The following ZNF23 variants were observed in gnomAD, a reference collection of about 807,000 sequenced individuals.
ZNF23 encodes zinc finger protein 23.
A neutral mutation model predicts 56.2 loss-of-function variants in ZNF23; 48 were observed. That is an observed-to-expected ratio of 0.85 (90% CI 0.68 to 1.09). ZNF23 has a LOEUF of 1.09. ZNF23 is among the 50% of genes least tolerant of loss of function. ZNF23 has a pLI of 0.00. For synonymous variants in ZNF23, 266 were observed against 283.3 expected, an observed-to-expected ratio of 0.94 and a Z score of 0.61; for missense variants, 805 against 811.4, an observed-to-expected ratio of 0.99 and a Z score of 0.10.
intron 2 of ZNF23, among the ~76,000 whole-genome samples, chr16:71,456,424 G>A (rs185777743): frequency 4.1e-4 from 62 of 152,128 alleles, no homozygotes; most frequent in East Asian, 1.9e-4. Flanking sequence ...AATCCTCTGC[G>A]ACTGTGCTCC....
At chr16:71,452,576 T>C (rs2043093902) in intron 4 of ZNF23, 1 of 152,204 alleles carries the variant, frequency 6.6e-6, no homozygotes, top group East Asian at 1.9e-4. Flanking sequence ...ACATTCACAT[T>C]TAAGAAGCAA....
chr16:71,448,113 G>C lies in ZNF23; in HGVS notation c.2041C>G (p.His681Asp), dbSNP rs1314538355. The C allele has an allele frequency of 6.2e-7, 1 of 1,604,616 alleles. No homozygotes were observed. Among genetic ancestry groups the C allele is most frequent in the Non-Finnish European group, 8.5e-7 (1 of 1,176,208 alleles). ...SFQLSQHQSV[H>D]SEGKS ...CATTATTAGGATTTTCCTTCACTAT[G>C]GACACTCTGATGCTGACTGAGCTGG... The change falls in exon 5 of 5, where the codon CAT (histidine) becomes GAT (aspartate). Residue 681 changes from histidine (H) to aspartate (D), a missense_variant. Transcript: ENST00000647773.
At chr16:71,458,074 C>A (rs1428074854) in intron 1 of ZNF23, among the ~76,000 whole-genome samples, 2 of 152,138 alleles carry the variant, frequency 1.3e-5, no homozygotes, top group Admixed American at 6.5e-5. Flanking sequence ...AAGGACAGCA[C>A]AGGCTGTCCT....
chr16:71,460,025 G>A (rs1032793013), intron 1 of ZNF23, among the ~76,000 whole-genome samples: 3 of 152,164 alleles, frequency 2.0e-5, no homozygotes, highest in African/African-American at 4.8e-5. Context: ...CTTGAAGACC[G>A]GGCAGTGAGT....
chr16:71,451,969 A>G (rs1377194335), intron 4 of ZNF23: 1 of 152,262 alleles, frequency 6.6e-6, no homozygotes, highest in East Asian at 1.9e-4. Context: ...TTTTAAAAAG[A>G]AAGTCAACAC....
intron 1 of ZNF23, among the ~76,000 whole-genome samples, chr16:71,457,562 CAA>C (rs879401364): frequency 1.4e-5 from 2 of 137,982 alleles, no homozygotes; most frequent in Non-Finnish European, 1.6e-5. Flanking sequence ...GACTCCGTCT[CAA>C]AAAAAAAAAA....
At chr16:71,453,651 G>T in intron 3 of ZNF23, 2 of 468,808 alleles carry the variant, frequency 4.3e-6, no homozygotes, top group East Asian at 7.2e-5. Flanking sequence ...CAAGCAGGGA[G>T]ATTCTGCCCA....
chr16:71,450,867 G>A, intron 4 of ZNF23: 2 of 205,268 alleles, frequency 9.7e-6, no homozygotes, highest in South Asian at 5.4e-5. Flanking sequence ...AAAAAAAAAT[G>A]GAAAATGCTG....
chr16:71,453,961 C>G (rs1221622374), intron 3 of ZNF23, 81 bp downstream of exon 3: 15 of 1,483,002 alleles, frequency 1.0e-5, no homozygotes, highest in African/African-American at 1.4e-5. Context: ...TACCAGAGAT[C>G]CCCTCAGTAA....
At chr16:71,452,061 C>G (rs1224839653) in intron 4 of ZNF23, 1 of 152,314 alleles carries the variant, frequency 6.6e-6, no homozygotes. Flanking sequence ...TTAACCCACA[C>G]ACACTGACTA....
Position 71,449,680 on chromosome 16 carries a change from G to T in ZNF23, c.474C>A (p.Ser158Arg), listed in dbSNP as rs751161645. The change falls in exon 5 of 5, where the codon AGC becomes AGA. Residue 158 changes from serine to arginine, a missense_variant. Coordinates refer to ENST00000647773, the MANE Select transcript of ZNF23 (RefSeq NM_001381984.1). Reference protein sequence around the residue: ...TIDGTVKDETSPVEECFFSQS... With the variant: ...TIDGTVKDETRPVEECFFSQS... ...GACTAAAAAAACACTCCTCCACGGGGCTTGTCTCATCTTTCACTGTTCCAT... is the reference window on the plus strand; with the variant it reads ...GACTAAAAAAACACTCCTCCACGGGTCTTGTCTCATCTTTCACTGTTCCAT... The T allele has an allele frequency of 9.4e-5, 151 of 1,613,560 alleles. 1 individual carries two copies. In the Admixed American group the frequency reaches 1.0e-3, roughly 11 times the overall value.
At chr16:71,453,994 G>A (rs777296799) in intron 3 of ZNF23, 48 bp downstream of exon 3, 5 of 1,607,638 alleles carry the variant, frequency 3.1e-6, no homozygotes, top group Non-Finnish European at 4.3e-6. Flanking sequence ...AAGCAAGCCA[G>A]GAACCCCAAT....
chr16:71,460,970 C>A (rs1440741856), intron 1 of ZNF23, among the ~76,000 whole-genome samples: 1 of 152,026 alleles, frequency 6.6e-6, no homozygotes, highest in Non-Finnish European at 1.5e-5. Flanking sequence ...AAGCTACACA[C>A]AGAATGAATT....
rs1596991724 is a variant in ZNF23, at chr16:71,447,897, C to G, written c.*196G>C. On this transcript the variant is annotated 3_prime_UTR_variant, in exon 5 of 5. Transcript: ENST00000647773. ...TTATATTTTCTAATTCCTGTTGGTACAAAACAAAGCTATTTTTGGATGTTT... is the reference window on the plus strand; with the variant it reads ...TTATATTTTCTAATTCCTGTTGGTAGAAAACAAAGCTATTTTTGGATGTTT... The G allele has an allele frequency of 4.5e-6, 2 of 441,100 alleles. No individual in the cohort carries two copies. Among genetic ancestry groups the G allele is most frequent in the East Asian group, 6.9e-5 (2 of 29,146 alleles). The allele number at this position is 441,100 out of a possible 1,614,324, so 27.3% of individuals were successfully genotyped here. A position where few individuals can be genotyped will look rare whatever the true frequency, so the allele number is the denominator to read the frequency against.
chr16:71,455,410 G>C (rs979914745), intron 2 of ZNF23, among the ~76,000 whole-genome samples: 3 of 151,936 alleles, frequency 2.0e-5, no homozygotes, highest in Admixed American at 2.0e-4. Context: ...AGGCTGAAGC[G>C]CAGTGGCATG....
chr16:71,461,169 G>A (rs1394024399), intron 1 of ZNF23, among the ~76,000 whole-genome samples: 1 of 152,294 alleles, frequency 6.6e-6, no homozygotes, highest in African/African-American at 2.4e-5. Flanking sequence ...GGGGTTGGAG[G>A]CTGGGAGTTG....
At chr16:71,458,453 T>A (rs576444319) in intron 1 of ZNF23, among the ~76,000 whole-genome samples, 29 of 152,212 alleles carry the variant, frequency 1.9e-4, no homozygotes, top group Non-Finnish European at 4.0e-4. Flanking sequence ...TATATGTGCT[T>A]TCTAGACCTT....
chr16:71,462,037 A>C (rs2043478949), intron 1 of ZNF23, 173 bp downstream of exon 1: 1 of 152,406 alleles, frequency 6.6e-6, no homozygotes, highest in Admixed American at 6.5e-5. Context: ...GCTGGAGTCG[A>C]GGAGCGCGGA....
intron 3 of ZNF23, 33 bp from the exon 4 acceptor site, chr16:71,453,383 T>C (rs1485149217): frequency 6.8e-7 from 1 of 1,468,648 alleles, no homozygotes; most frequent in Non-Finnish European, 9.4e-7. Context: ...GAGAGACAGA[T>C]GAATAAACTC....
Sources: allele counts gnomAD v4.1 joint callset (sites outside exome capture counted in the v4.1 genomes callset), GRCh38; gene constraint gnomAD v4.1.1; transcripts MANE v1.5; gene names NCBI Gene and HGNC (gene_info 2026-07-23, HGNC 2026-07-21).